CYP4A22: variants seen among roughly 807,000 people sequenced by gnomAD.
CYP4A22 encodes the protein cytochrome P450 4A22.
In CYP4A22, 46 loss-of-function variants were observed where a neutral mutation model predicts 56.2. The ratio of observed to expected loss-of-function variants is 0.82; its 90% CI spans 0.65 to 1.05. The LOEUF (loss-of-function observed/expected upper bound fraction) is 1.05, where lower values mean the gene tolerates loss of function less well. CYP4A22 is among the 50% of genes least tolerant of loss of function. CYP4A22 has a pLI of 0.00. For synonymous variants in CYP4A22, 193 were observed against 251.1 expected, an observed-to-expected ratio of 0.77 and a Z score of 2.19; for missense variants, 541 against 645.9, an observed-to-expected ratio of 0.84 and a Z score of 1.76.
intron 11 of CYP4A22, 141 bp from the exon 12 acceptor site, chr1:47,148,461 G>A: frequency 8.4e-7 from 1 of 1,195,784 alleles, no homozygotes; most frequent in Non-Finnish European, 1.1e-6. Flanking sequence ...AAGTGTCCGT[G>A]GGCTGTAAGT....
At chr1:47,142,766 GCCC>G in intron 4 of CYP4A22, among the ~76,000 whole-genome samples, 1 of 152,212 alleles carries the variant, frequency 6.6e-6, no homozygotes, top group Non-Finnish European at 1.5e-5. Context: ...ACCCAACTGT[GCCC>G]AGCACATTTT....
chr1:47,148,878 C>T lies in CYP4A22; in HGVS notation c.*81C>T. 2 of 1,477,076 alleles carry T rather than the reference C, an allele frequency of 1.4e-6. No homozygotes were observed. The highest frequency in any genetic ancestry group is 9.0e-7 in the Non-Finnish European group (1 of 1,108,112). 91.5% of individuals were successfully genotyped at this position (1,477,076 alleles called of 1,614,324 possible). ...TGCCTCTGTCCTGCTTTCTGTCTGC[C>T]CACCTTCCCTTCTTCCCACCTGCCT... On this transcript the variant is annotated 3_prime_UTR_variant, in exon 12 of 12. Coordinates refer to ENST00000371891, the MANE Select transcript of CYP4A22 (RefSeq NM_001010969.4).
At chr1:47,141,459 G>T in intron 2 of CYP4A22, 112 bp from the exon 3 acceptor site, 10 of 1,196,402 alleles carry the variant, frequency 8.4e-6, no homozygotes, top group Non-Finnish European at 1.2e-5. Flanking sequence ...AGTCAAGTGG[G>T]AGGTGACATG....
chr1:47,142,090 T>C lies in CYP4A22; in HGVS notation c.383-18T>C, dbSNP rs2056901. On this transcript the variant is annotated intron_variant, in intron 3 of 11. Coordinates refer to ENST00000371891, the MANE Select transcript of CYP4A22 (RefSeq NM_001010969.4). ...AGCCTCTGATACACACACATACACA[T>C]ATTCGTGTCTACCTTAGGGTACGGC... 390,261 of 1,608,186 alleles carry C rather than the reference T, an allele frequency of 0.24. 54,003 individuals carry two copies. Among genetic ancestry groups the C allele is most frequent in the East Asian group, 0.56 (25,173 of 44,782 alleles).
intron 4 of CYP4A22, 56 bp from the exon 5 acceptor site, chr1:47,143,213 T>C: frequency 6.4e-7 from 1 of 1,561,878 alleles, no homozygotes; most frequent in African/African-American, 1.4e-5. Flanking sequence ...AAGCCAGGCC[T>C]TATTAGCAAA....
intron 3 of CYP4A22, 134 bp from the exon 4 acceptor site, chr1:47,141,974 G>T (rs1645015004): frequency 1.5e-6 from 2 of 1,311,388 alleles, no homozygotes; most frequent in Non-Finnish European, 2.1e-6. Context: ...TCCTGCATTT[G>T]CCCATGATGT....
At chr1:47,145,049 G>A (rs2405596) in intron 9 of CYP4A22, 79 bp downstream of exon 9, 1 of 1,574,500 alleles carries the variant, frequency 6.4e-7, no homozygotes, top group Non-Finnish European at 8.6e-7. Flanking sequence ...GTGCTTCAGA[G>A]TTCTGCACAT....
chr1:47,144,787 G>A, intron 8 of CYP4A22, 47 bp downstream of exon 8: 2 of 1,611,622 alleles, frequency 1.2e-6, no homozygotes, highest in Non-Finnish European at 1.7e-6. Flanking sequence ...CTCCACAGGG[G>A]CCCCTGGTCT....
rs552371632 is a variant in CYP4A22, at chr1:47,149,339, G to A, written c.*542G>A. Reference sequence around the variant, plus strand: ...CAAGTAACAGAGCAGATGCTAAACCGTCACAGCTGTAAATCATGTGCTTAA... The same window carrying A: ...CAAGTAACAGAGCAGATGCTAAACCATCACAGCTGTAAATCATGTGCTTAA... On this transcript the variant is annotated 3_prime_UTR_variant, in exon 12 of 12. Transcript: ENST00000371891. 2.0e-4 allele frequency: 31 copies of A among 154,158 alleles called. No homozygotes were observed. Among genetic ancestry groups the A allele is most frequent in the Middle Eastern group, 6.7e-3 (2 of 300 alleles). 9.5% of individuals were successfully genotyped at this position (154,158 alleles called of 1,614,324 possible).
rs185005287 is a variant in CYP4A22, at chr1:47,148,707, C to A, written c.1470C>A (p.Pro490=). 2.4e-4 allele frequency: 389 copies of A among 1,614,102 alleles called. 4 individuals carry two copies. In the East Asian group the frequency reaches 7.9e-3, roughly 33 times the overall value. The change falls in exon 12 of 12, where the codon CCC becomes CCA. Residue 490 remains proline, a synonymous_variant. Coordinates refer to ENST00000371891, the MANE Select transcript of CYP4A22 (RefSeq NM_001010969.4). ...CTGATCCCACCAGGATCCCCATCCC[C>A]ATGGCACGACTTGTGTTGAAATCCA... ...LLPDPTRIPI[P]MARLVLKSKN...
chr1:47,148,513 G>C (rs760440), intron 11 of CYP4A22, 89 bp from the exon 12 acceptor site: 578,650 of 1,490,252 alleles, frequency 0.39, 120,092 homozygotes, highest in East Asian at 0.93. Context: ...TGAATGTCCA[G>C]CTCAGGGCTG....
Position 47,140,848 on chromosome 1 carries a change from T to C in CYP4A22, c.264T>C (p.Tyr88=), listed in dbSNP as rs1225650491. Residue 88 remains tyrosine (Y), a synonymous_variant, in exon 2 of 12, where the codon TAT becomes TAC. Coordinates refer to ENST00000371891, the MANE Select transcript of CYP4A22 (RefSeq NM_001010969.4). ...RVKTFPSACP[Y]WIWGGKVRVQ... ...AGACATTCCCAAGTGCCTGTCCTTA[T>C]TGGATATGGGGAGGCAAAGTTCGTG... 9.9e-6 allele frequency: 16 copies of C among 1,614,076 alleles called. No homozygotes were observed. The African/African-American group carries it at 1.1e-4, about 11-fold the overall frequency.
Position 47,144,751 on chromosome 1 carries a change from G to A in CYP4A22, c.1088+11G>A. 6.8e-6 allele frequency: 11 copies of A among 1,613,418 alleles called. No homozygotes were observed. Among genetic ancestry groups the A allele is most frequent in the Non-Finnish European group, 9.3e-6 (11 of 1,179,630 alleles). ...AGCCTCCATCACCTGGTGAGTGAGGGCTCAAAAGATGGGGTTCCCTGCCTT... is the reference window on the plus strand; with the variant it reads ...AGCCTCCATCACCTGGTGAGTGAGGACTCAAAAGATGGGGTTCCCTGCCTT... On this transcript the variant is annotated intron_variant, in intron 8 of 11. Transcript: ENST00000371891.
chr1:47,140,789 G>A lies in CYP4A22; in HGVS notation c.205G>A (p.Asp69Asn), dbSNP rs373881337. 9.9e-6 allele frequency: 16 copies of A among 1,613,938 alleles called. No individual in the cohort carries two copies. Among genetic ancestry groups the A allele is most frequent in the Non-Finnish European group, 1.3e-5 (15 of 1,180,006 alleles). The change falls in exon 2 of 12, where the codon GAC (aspartate) becomes AAC (asparagine). Residue 69 changes from aspartate to asparagine, a missense_variant. By Grantham distance (23) the Asp-to-Asn change is conservative. This residue lies in a region of CYP4A22 where 335 missense variants were observed against 361.2 expected (regional missense o/e 0.93). Transcript: ENST00000371891. ...LFGHIQEFQH[D>N]QELQRIQERV... Reference sequence around the variant, plus strand: ...CTACCCTCGTTGACAGTTCCAACACGACCAGGAGCTACAACGGATTCAGGA... The same window carrying A: ...CTACCCTCGTTGACAGTTCCAACACAACCAGGAGCTACAACGGATTCAGGA...
chr1:47,139,053 C>T (rs564658726), intron 1 of CYP4A22, among the ~76,000 whole-genome samples: 19 of 152,350 alleles, frequency 1.2e-4, no homozygotes, highest in African/African-American at 3.4e-4. Flanking sequence ...AATACCACTC[C>T]ACCTTCTTTC....
rs1644953994 is a variant in CYP4A22, at chr1:47,137,471, A to G, written c.-15A>G. The G allele has an allele frequency of 1.2e-6, 2 of 1,603,132 alleles. No homozygotes were observed. Among genetic ancestry groups the G allele is most frequent in the Middle Eastern group, 1.7e-4 (1 of 5,998 alleles). On this transcript the variant is annotated 5_prime_UTR_variant, in exon 1 of 12. Coordinates refer to ENST00000371891, the MANE Select transcript of CYP4A22 (RefSeq NM_001010969.4). ...GAGAGGAAGGGGCACTCAGAGATCC[A>G]GCAGGTGCTGCACCATGAGTGTCTC...
At chr1:47,145,522 A>G (rs576603690) in intron 9 of CYP4A22, among the ~76,000 whole-genome samples, 1 of 152,204 alleles carries the variant, frequency 6.6e-6, no homozygotes, top group African/African-American at 2.4e-5. Context: ...GAGCAAAAGA[A>G]TGTCTTCCTT....
intron 9 of CYP4A22, among the ~76,000 whole-genome samples, chr1:47,145,553 G>T (rs188548721): frequency 1.3e-5 from 2 of 152,324 alleles, no homozygotes; most frequent in East Asian, 3.9e-4. Flanking sequence ...TGTATTGAGT[G>T]AGTTCATGTA....
intron 11 of CYP4A22, chr1:47,146,973 G>A (rs1645082732): frequency 1.0e-6 from 1 of 985,308 alleles, no homozygotes; most frequent in African/African-American, 1.7e-5. Flanking sequence ...CCTGGTATGT[G>A]AAATATAAAA....
Sources: gnomAD v4.1 joint callset for allele counts (sites outside exome capture counted in the v4.1 genomes callset) on GRCh38, gnomAD v4.1.1 for gene constraint, gnomAD v4.1.1 regional missense constraint, MANE v1.5 for transcripts, NCBI Gene and HGNC (gene_info 2026-07-23, HGNC 2026-07-21) for gene names.